Variants in COL11A1 observed in about 807,000 individuals in gnomAD.
The protein encoded by COL11A1 is collagen type XI alpha 1 chain.
Under a neutral mutation model 265.2 loss-of-function variants are expected in COL11A1, and 74 were observed. The ratio of observed to expected loss-of-function variants is 0.28; its 90% CI spans 0.23 to 0.34. The LOEUF is 0.34. Among genes scored for constraint, COL11A1 ranks in the 10% least tolerant of loss-of-function variants. The pLI, the probability that COL11A1 is intolerant of heterozygous loss-of-function variation, is 1.00. For missense variants in COL11A1, 2,165 were observed against 2,263.6 expected (o/e 0.96, Z 0.88); for synonymous variants, 816 against 727.6 (o/e 1.12, Z -1.96).
intron 1 of COL11A1, among the ~76,000 whole-genome samples, chr1:103,092,066 A>G (rs2102372842): frequency 6.6e-6 from 1 of 152,264 alleles, no homozygotes; most frequent in South Asian, 2.1e-4. Context: ...CAATAAAAAT[A>G]CATAGTAAAA....
intron 1 of COL11A1, among the ~76,000 whole-genome samples, chr1:103,099,822 G>A (rs552980242): frequency 6.6e-6 from 1 of 151,790 alleles, no homozygotes; most frequent in African/African-American, 2.4e-5. Flanking sequence ...AAAGCTAGAG[G>A]TAAATTGAAA....
At chr1:102,970,531 A>G (rs1400939630) in intron 36 of COL11A1, among the ~76,000 whole-genome samples, 1 of 152,180 alleles carries the variant, frequency 6.6e-6, no homozygotes, top group African/African-American at 2.4e-5. Flanking sequence ...TGCATCAATC[A>G]TTTGTAAAAT....
Position 102,946,962 on chromosome 1 carries a change from A to G in COL11A1, c.3169-6T>C, listed in dbSNP as rs747455411. 1 of 1,606,270 alleles carries G rather than the reference A, an allele frequency of 6.2e-7. No individual in the cohort carries two copies. The highest frequency in any genetic ancestry group is 8.5e-7 in the Non-Finnish European group (1 of 1,175,008). On this transcript the variant is annotated splice_region_variant and splice_polypyrimidine_tract_variant and intron_variant, in intron 41 of 66. Transcript: ENST00000370096. ...CCACGTTCTCCTGGTGAGCCCTAGTATACAGGAAAAGAAGTATTTTGTTAT... is the reference window on the plus strand; with the variant it reads ...CCACGTTCTCCTGGTGAGCCCTAGTGTACAGGAAAAGAAGTATTTTGTTAT...
chr1:103,094,847 G>C (rs1217293775), intron 1 of COL11A1, among the ~76,000 whole-genome samples: 1 of 151,980 alleles, frequency 6.6e-6, no homozygotes, highest in Non-Finnish European at 1.5e-5. Context: ...GGAGCCAAAA[G>C]TTATACATGG....
chr1:103,018,758 T>G, intron 10 of COL11A1, 60 bp downstream of exon 10: 1 of 1,278,400 alleles, frequency 7.8e-7, no homozygotes, highest in Non-Finnish European at 1.1e-6. Context: ...CAGTAATTAA[T>G]AGAAATCTTA....
intron 42 of COL11A1, among the ~76,000 whole-genome samples, chr1:102,942,673 C>T (rs1046467774): frequency 2.6e-5 from 4 of 152,088 alleles, no homozygotes; most frequent in African/African-American, 9.7e-5. Context: ...ACACCCACAA[C>T]TTTTATTACA....
rs796629170 is a variant in COL11A1, at chr1:102,996,177, A to C, written c.2242-135T>G. 7.2e-6 allele frequency: 6 copies of C among 834,342 alleles called. No individual in the cohort carries two copies. The African/African-American group carries it at 1.0e-4, about 14-fold the overall frequency. The allele number at this position is 834,342 out of a possible 1,614,324, so 51.7% of individuals were successfully genotyped here. On this transcript the variant is annotated intron_variant, in intron 26 of 66. Coordinates refer to ENST00000370096, the MANE Select transcript of COL11A1 (RefSeq NM_001854.4). Reference sequence around the variant, plus strand: ...TAATATTTGATAAAGACTTTTTGGTAGTTTACTCTTTATTTCTAGAAACAG... The same window carrying C: ...TAATATTTGATAAAGACTTTTTGGTCGTTTACTCTTTATTTCTAGAAACAG...
At chr1:103,101,323 A>T (rs1489161712) in intron 1 of COL11A1, among the ~76,000 whole-genome samples, 1 of 152,024 alleles carries the variant, frequency 6.6e-6, no homozygotes, top group Non-Finnish European at 1.5e-5. Context: ...CAAAAGGAAG[A>T]GTAACAGTCA....
intron 5 of COL11A1, among the ~76,000 whole-genome samples, chr1:103,028,476 A>G (rs1314603385): frequency 6.6e-6 from 1 of 152,160 alleles, no homozygotes; most frequent in Non-Finnish European, 1.5e-5. Flanking sequence ...GCCTCATAAC[A>G]TATTTTTGGA....
At chr1:103,046,239 T>C (rs1359391585) in intron 4 of COL11A1, among the ~76,000 whole-genome samples, 1 of 119,154 alleles carries the variant, frequency 8.4e-6, no homozygotes, top group Non-Finnish European at 1.8e-5. Context: ...CCACCAACAG[T>C]GTAAAAGTGT....
At chr1:102,882,538 T>C (rs565827374) in intron 64 of COL11A1, among the ~76,000 whole-genome samples, 1 of 152,174 alleles carries the variant, frequency 6.6e-6, no homozygotes, top group South Asian at 2.1e-4. Context: ...CTACTTGTTT[T>C]GCCTTAAGGA....
chr1:103,085,528 C>CT (rs10715378), intron 1 of COL11A1, among the ~76,000 whole-genome samples: 9 of 150,560 alleles, frequency 6.0e-5, no homozygotes, highest in South Asian at 4.2e-4. Context: ...TGGGAACGGA[C>CT]TTTTTTTTTT....
chr1:102,989,523 C>A lies in COL11A1; in HGVS notation c.2389G>T (p.Asp797Tyr). The change falls in exon 29 of 67, where the codon GAC becomes TAC. Residue 797 changes from aspartate (D) to tyrosine (Y), a missense_variant. By Grantham distance (160) the Asp-to-Tyr change is radical. Coordinates refer to ENST00000370096, the MANE Select transcript of COL11A1 (RefSeq NM_001854.4). ...GFKGDMGLKGDRGEVGQIGPR... is the reference protein window; with the variant it reads ...GFKGDMGLKGYRGEVGQIGPR... ...TACATTTTCTCTATACTTACTCTGT[C>A]ACCTTTTAGACCCATGTCACCTTTG... The A allele has an allele frequency of 6.2e-7, 1 of 1,608,522 alleles. No homozygotes were observed.
chr1:102,880,406 C>T (rs1321662516), intron 65 of COL11A1, among the ~76,000 whole-genome samples: 3 of 152,102 alleles, frequency 2.0e-5, no homozygotes, highest in Admixed American at 6.6e-5. Flanking sequence ...CTACACTTTT[C>T]ATTTTGGGGC....
chr1:103,017,703 C>A lies in COL11A1; in HGVS notation c.1413+117G>T, dbSNP rs574484811. The A allele has an allele frequency of 2.4e-5, 21 of 862,836 alleles. No individual in the cohort carries two copies. The African/African-American group carries it at 3.2e-4, about 13-fold the overall frequency. 53.4% of individuals were successfully genotyped at this position (862,836 alleles called of 1,614,324 possible). ...AATGTTGTGCAGCACTGAATTCATG[C>A]TGCCTTTACCCCTCCCACACGCAGT... On this transcript the variant is annotated intron_variant, in intron 11 of 66. Transcript: ENST00000370096.
intron 52 of COL11A1, 103 bp downstream of exon 52, chr1:102,914,249 T>G: frequency 1.1e-6 from 1 of 878,914 alleles, no homozygotes; most frequent in Non-Finnish European, 1.8e-6. Context: ...TTTCTGTTTT[T>G]GGGAGTTCAC....
intron 44 of COL11A1, among the ~76,000 whole-genome samples, chr1:102,935,801 G>A (rs1160008328): frequency 6.6e-6 from 1 of 151,846 alleles, no homozygotes; most frequent in Non-Finnish European, 1.5e-5. Context: ...ACTACTTGTG[G>A]GGGAACTGTT....
At chr1:102,992,966 A>G (rs1664281155) in intron 28 of COL11A1, among the ~76,000 whole-genome samples, 1 of 151,932 alleles carries the variant, frequency 6.6e-6, no homozygotes, top group African/African-American at 2.4e-5. Context: ...CAAAAAATGT[A>G]TCTTATTTTT....
chr1:103,107,049 G>A (rs897914719), intron 1 of COL11A1, among the ~76,000 whole-genome samples: 4 of 152,036 alleles, frequency 2.6e-5, no homozygotes, highest in African/African-American at 9.7e-5. Flanking sequence ...AAAGGCTTTC[G>A]CCTGCCAGTC....
Sources: gnomAD v4.1 joint callset for allele counts (sites outside exome capture counted in the v4.1 genomes callset) on GRCh38, gnomAD v4.1.1 for gene constraint, MANE v1.5 for transcripts, NCBI Gene and HGNC (gene_info 2026-07-23, HGNC 2026-07-21) for gene names.